Variants in GPC3 observed in about 807,000 individuals in gnomAD.
The protein encoded by GPC3 is glypican-3.
In GPC3, 3 loss-of-function variants were observed where a neutral mutation model predicts 34.4. The observed-to-expected ratio is 0.09, with a 90% CI of 0.04 to 0.23. GPC3 has a LOEUF of 0.23. Among genes scored for constraint, GPC3 ranks in the 10% least tolerant of loss-of-function variants. GPC3 has a pLI of 1.00. For missense variants in GPC3, 351 were observed against 445.6 expected (o/e 0.79, Z 1.91); for synonymous variants, 177 against 174.0 (o/e 1.02, Z -0.13).
In GPC3 at chrX:133,725,575, T is replaced by G. The variant is rs780816752; in HGVS notation, c.1033-25547A>C. Among the ~76,000 whole-genome samples, 11 of 111,480 alleles carry G rather than the reference T, an allele frequency of 9.9e-5. No homozygotes were observed. In the South Asian group the frequency reaches 3.8e-3, roughly 39 times the overall value. On this transcript the variant is annotated intron_variant, in intron 3 of 7. Coordinates refer to ENST00000370818, the MANE Select transcript of GPC3 (RefSeq NM_004484.4). ...AAAATCAAATTACTTCATCTTGGAG[T>G]TGACTTACAGGGAGTGAGAGAAGAG...
intron 1 of GPC3, among the ~76,000 whole-genome samples, chrX:133,976,969 G>A (rs2076519250): frequency 1.1e-5 from 1 of 91,923 alleles, no homozygotes; most frequent in Non-Finnish European, 2.2e-5. Flanking sequence ...AAATAAATGA[G>A]GGGCAACAAG....
intron 2 of GPC3, among the ~76,000 whole-genome samples, chrX:133,921,352 A>C (rs927778469): frequency 8.9e-6 from 1 of 111,824 alleles, no homozygotes; most frequent in Non-Finnish European, 1.9e-5. Flanking sequence ...TAAACAAGGG[A>C]CAAAAACAAG....
At chrX:133,885,557 G>A (rs1407972808) in intron 2 of GPC3, among the ~76,000 whole-genome samples, 1 of 111,739 alleles carries the variant, frequency 8.9e-6, no homozygotes, top group Non-Finnish European at 1.9e-5. Flanking sequence ...CAGCAAGTTA[G>A]AGGGAGAGTG....
intron 2 of GPC3, among the ~76,000 whole-genome samples, chrX:133,923,452 C>T (rs1372655557): frequency 9.0e-6 from 1 of 111,586 alleles, no homozygotes; most frequent in African/African-American, 3.3e-5. Flanking sequence ...CCACCCCACC[C>T]CCATCCTGAA....
At chrX:133,907,180 G>A (rs2076172447) in intron 2 of GPC3, among the ~76,000 whole-genome samples, 2 of 111,062 alleles carry the variant, frequency 1.8e-5, no homozygotes, top group South Asian at 3.8e-4. Flanking sequence ...CATGACATAC[G>A]TTTACATATA....
chrX:133,983,416 G>T (rs1569462453), intron 1 of GPC3, among the ~76,000 whole-genome samples: 2 of 112,294 alleles, frequency 1.8e-5, no homozygotes, highest in African/African-American at 3.2e-5. Flanking sequence ...TACACACAGC[G>T]TGTGGGCCCT....
chrX:133,899,200 C>T (rs1464416977), intron 2 of GPC3, among the ~76,000 whole-genome samples: 2 of 111,988 alleles, frequency 1.8e-5, no homozygotes, highest in Non-Finnish European at 3.8e-5. Flanking sequence ...GTATATGAAA[C>T]ATAAACCATT....
chrX:133,831,409 T>C lies in GPC3; in HGVS notation c.338-77233A>G, dbSNP rs115415867. On this transcript the variant is annotated intron_variant, in intron 2 of 7. Transcript: ENST00000370818. ...TTTGCATTTCTTGTGAGTCACAGAC[T>C]ATTTCAAAATAAAAACTTATATTTA... 1.3e-3 allele frequency among the ~76,000 whole-genome samples: 148 copies of C among 111,923 alleles called. 2 individuals are homozygous for C. The highest frequency in any genetic ancestry group is 4.5e-3 in the African/African-American group (140 of 30,817).
intron 6 of GPC3, among the ~76,000 whole-genome samples, chrX:133,601,575 C>CA (rs1223264763): frequency 8.9e-6 from 1 of 111,864 alleles, no homozygotes; most frequent in Non-Finnish European, 1.9e-5. Context: ...TTTACTTAAC[C>CA]ATTTTTCTAA....
At chrX:133,744,707 G>A (rs749678315) in intron 3 of GPC3, among the ~76,000 whole-genome samples, 80 of 112,282 alleles carry the variant, frequency 7.1e-4, no homozygotes, top group African/African-American at 2.2e-3. Flanking sequence ...AAAGACACAT[G>A]CACATGTATG....
chrX:133,819,271 C>T (rs968421839), intron 2 of GPC3, among the ~76,000 whole-genome samples: 2 of 104,106 alleles, frequency 1.9e-5, no homozygotes, highest in Non-Finnish European at 3.9e-5. Flanking sequence ...CCAACACTTA[C>T]GGCGTCAGGG....
chrX:133,543,644 T>A (rs1169969911), intron 7 of GPC3, among the ~76,000 whole-genome samples: 2 of 112,655 alleles, frequency 1.8e-5, no homozygotes, highest in African/African-American at 6.4e-5. Flanking sequence ...TGGCCTCTCT[T>A]ATTGTAGGCC....
rs760559926 is a variant in GPC3, at chrX:133,552,615, T to C, written c.1574-16322A>G. 4.5e-5 allele frequency among the ~76,000 whole-genome samples: 5 copies of C among 112,208 alleles called. No individual in the cohort carries two copies. The South Asian group carries it at 1.5e-3, about 34-fold the overall frequency. ...GGTAAAGATGGTCATATGAGGATAC[T>C]GCCTATGGAGAAGATGGAGCAACCA... is the stretch of plus-strand genomic sequence containing the variant. On this transcript the variant is annotated intron_variant, in intron 7 of 7. Transcript: ENST00000370818.
chrX:133,537,305 A>G (rs1407019153), intron 7 of GPC3, among the ~76,000 whole-genome samples: 1 of 112,005 alleles, frequency 8.9e-6, no homozygotes, highest in Non-Finnish European at 1.9e-5. Flanking sequence ...GAGCAACTTC[A>G]CCAGCCAACT....
chrX:133,918,545 T>C (rs903098467), intron 2 of GPC3, among the ~76,000 whole-genome samples: 1 of 112,539 alleles, frequency 8.9e-6, no homozygotes, highest in Non-Finnish European at 1.9e-5. Flanking sequence ...ACTTTATTGC[T>C]ACGCCTAGCT....
At chrX:133,557,217 C>T (rs190386300) in intron 7 of GPC3, among the ~76,000 whole-genome samples, 5,417 of 110,976 alleles carry the variant, frequency 0.049, 358 homozygotes, top group African/African-American at 0.17. Context: ...TGGCGTGAAC[C>T]TGGGAGGTGG....
chrX:133,876,505 T>C (rs1379226492), intron 2 of GPC3, among the ~76,000 whole-genome samples: 1 of 112,103 alleles, frequency 8.9e-6, no homozygotes, highest in Non-Finnish European at 1.9e-5. Flanking sequence ...CCTATCTACC[T>C]GGGAATCAAG....
At chrX:133,835,992 C>T (rs369398652) in intron 2 of GPC3, among the ~76,000 whole-genome samples, 8 of 112,925 alleles carry the variant, frequency 7.1e-5, no homozygotes, top group African/African-American at 1.3e-4. Context: ...CCATCAGTGG[C>T]GGAGCCTAGT....
intron 6 of GPC3, among the ~76,000 whole-genome samples, chrX:133,628,224 A>G (rs1261419727): frequency 3.6e-5 from 4 of 112,503 alleles, no homozygotes; most frequent in Non-Finnish European, 5.6e-5. Flanking sequence ...GCTTCTCCCA[A>G]GCAACATCAA....
Sources: gnomAD v4.1 joint callset for allele counts (sites outside exome capture counted in the v4.1 genomes callset) on GRCh38, gnomAD v4.1.1 for gene constraint, MANE v1.5 for transcripts, NCBI Gene and HGNC (gene_info 2026-07-23, HGNC 2026-07-21) for gene names.